The following PDZD2 variants were observed in gnomAD, a reference collection of about 807,000 sequenced individuals.
PDZD2 encodes the protein PDZ domain-containing protein 2.
PDZD2 carries 90 observed loss-of-function variants against 220.7 expected under a neutral mutation model. The observed-to-expected ratio is 0.41, with a 90% CI of 0.34 to 0.49. The LOEUF (loss-of-function observed/expected upper bound fraction) is 0.49. PDZD2 is among the 20% of genes least tolerant of loss of function. The probability of loss-of-function intolerance (pLI) is 0.28; values close to 1 mark genes in which losing one functional copy is unlikely to be tolerated. For missense variants in PDZD2, 3,174 were observed against 3,608.5 expected (o/e 0.88, Z 3.08); for synonymous variants, 1,375 against 1,450.5 (o/e 0.95, Z 1.18).
chr5:32,051,018 G>A (rs963512184), intron 8 of PDZD2, among the ~76,000 whole-genome samples: 18 of 151,948 alleles, frequency 1.2e-4, no homozygotes, highest in African/African-American at 3.9e-4. Context: ...ACCTACAGGT[G>A]GCAAGTGGCT....
intron 21 of PDZD2, among the ~76,000 whole-genome samples, chr5:32,096,306 T>G (rs1005688245): frequency 6.6e-6 from 1 of 151,956 alleles, no homozygotes; most frequent in Admixed American, 6.6e-5. Context: ...AGTCTAGGTT[T>G]TGGTTTGAGT....
chr5:31,860,683 G>T (rs7700791), intron 2 of PDZD2, among the ~76,000 whole-genome samples: 4 of 152,094 alleles, frequency 2.6e-5, no homozygotes, highest in African/African-American at 9.7e-5. Flanking sequence ...AAAACCAGCC[G>T]CTGAAGAATG....
chr5:32,007,667 TA>T (rs1752937720), intron 5 of PDZD2, among the ~76,000 whole-genome samples: 1 of 152,234 alleles, frequency 6.6e-6, no homozygotes, highest in Non-Finnish European at 1.5e-5. Context: ...TCTTTTCTGT[TA>T]ACCCTCACGC....
In PDZD2 at chr5:32,089,335, C is replaced by A. The variant is rs750879713; in HGVS notation, c.5887C>A (p.Pro1963Thr). Residue 1963 changes from proline (P) to threonine (T), a missense_variant, in exon 20 of 25, where the codon CCT becomes ACT. By Grantham distance (38) the Pro-to-Thr change is conservative. Around this residue, in one of 4 missense-constraint regions of PDZD2, gnomAD observed 1,861 missense variants for 2,001.0 expected, o/e 0.93. Coordinates refer to ENST00000438447, the MANE Select transcript of PDZD2 (RefSeq NM_178140.4). ...SPQCVLESKP[P>T]LATSGPLKPS... ...CCAGTGTGTGCTGGAAAGCAAGCCA[C>A]CTCTTGCCACCTCTGGGCCACTGAA... 13 of 1,614,034 alleles carry A rather than the reference C, an allele frequency of 8.1e-6. No individual in the cohort carries two copies. The South Asian group carries it at 1.4e-4, about 18-fold the overall frequency.
rs184335397 is a variant in PDZD2, at chr5:31,977,515, G to T, written c.477-5640G>T. ...CTGTTCTAAGCCCCCACCCTCACCC[G>T]CCAACCTCTTCCCAGGACTCCCACC... On this transcript the variant is annotated intron_variant, in intron 2 of 24. Transcript: ENST00000438447. 1.9e-3 allele frequency among the ~76,000 whole-genome samples: 292 copies of T among 152,092 alleles called. 1 individual carries two copies. Among genetic ancestry groups the T allele is most frequent in the African/African-American group, 6.8e-3 (281 of 41,506 alleles).
chr5:31,919,324 C>G (rs535067023), intron 2 of PDZD2, among the ~76,000 whole-genome samples: 1 of 151,696 alleles, frequency 6.6e-6, no homozygotes, highest in Non-Finnish European at 1.5e-5. Context: ...TAAGTTTAGC[C>G]CCATAGTTGT....
chr5:31,833,122 G>A (rs1756718906), intron 2 of PDZD2, among the ~76,000 whole-genome samples: 1 of 152,136 alleles, frequency 6.6e-6, no homozygotes, highest in Non-Finnish European at 1.5e-5. Flanking sequence ...TGAGACAAAT[G>A]TCATTAAAAG....
chr5:31,918,465 G>C (rs1265598362), intron 2 of PDZD2, among the ~76,000 whole-genome samples: 2 of 152,188 alleles, frequency 1.3e-5, no homozygotes, highest in Non-Finnish European at 2.9e-5. Flanking sequence ...ATCATTTTGG[G>C]CATTTCAGAA....
At chr5:31,926,984 C>G (rs554722671) in intron 2 of PDZD2, among the ~76,000 whole-genome samples, 12 of 152,168 alleles carry the variant, frequency 7.9e-5, no homozygotes, top group African/African-American at 2.7e-4. Flanking sequence ...AACTAAATAC[C>G]GCATATTATT....
Position 31,912,670 on chromosome 5 carries a change from C to T in PDZD2, c.477-70485C>T, listed in dbSNP as rs549696181. ...CCGATATGGCTAACAGTGGGACTAACGTGAGGGTCCAAAATGAAAAAACAG... is the reference window on the plus strand; with the variant it reads ...CCGATATGGCTAACAGTGGGACTAATGTGAGGGTCCAAAATGAAAAAACAG... On this transcript the variant is annotated intron_variant, in intron 2 of 24. Transcript: ENST00000438447. 3.6e-4 allele frequency among the ~76,000 whole-genome samples: 55 copies of T among 152,302 alleles called. No homozygotes were observed. The South Asian group carries it at 0.01, about 28-fold the overall frequency.
At chr5:31,694,402 C>CAAACAAAAAA (rs143583191) in intron 1 of PDZD2, among the ~76,000 whole-genome samples, 5 of 151,510 alleles carry the variant, frequency 3.3e-5, no homozygotes, top group African/African-American at 1.2e-4. Flanking sequence ...AAAAAACAAA[C>CAAACAAAAAA]AAAAAAACAA....
chr5:31,936,727 C>T (rs1553552), intron 2 of PDZD2, among the ~76,000 whole-genome samples: 45,057 of 152,110 alleles, frequency 0.3, 7,652 homozygotes, highest in African/African-American at 0.46. Flanking sequence ...ACTGTGGCTC[C>T]ATTTTCATAT....
intron 2 of PDZD2, among the ~76,000 whole-genome samples, chr5:31,898,071 G>A (rs1031728701): frequency 6.6e-6 from 1 of 152,118 alleles, no homozygotes; most frequent in Non-Finnish European, 1.5e-5. Flanking sequence ...TCCCCGTCTA[G>A]AGGGTGGACA....
intron 1 of PDZD2, among the ~76,000 whole-genome samples, chr5:31,651,030 A>G (rs948292725): frequency 6.6e-6 from 1 of 152,118 alleles, no homozygotes; most frequent in Non-Finnish European, 1.5e-5. Context: ...AAGTTTGCAG[A>G]CTAGGGAGAA....
intron 1 of PDZD2, among the ~76,000 whole-genome samples, chr5:31,703,957 TTCTCTCTC>T (rs10652328): frequency 6.7e-6 from 1 of 149,376 alleles, no homozygotes; most frequent in Non-Finnish European, 1.5e-5. Flanking sequence ...TTCTCTCTCT[TTCTCTCTC>T]TCTCTCTCTC....
intron 2 of PDZD2, chr5:31,908,765 C>A (rs1436044573): frequency 2.1e-6 from 2 of 933,170 alleles, no homozygotes; most frequent in Non-Finnish European, 3.3e-6. Context: ...CCAGTTCTGG[C>A]CGGGCGTGGT....
chr5:31,654,277 C>G (rs4867359), intron 1 of PDZD2, among the ~76,000 whole-genome samples: 96,278 of 151,946 alleles, frequency 0.63, 32,125 homozygotes, highest in Non-Finnish European at 0.74. Context: ...CATTGAAACA[C>G]TCCTTACCTT....
intron 6 of PDZD2, among the ~76,000 whole-genome samples, chr5:32,011,025 A>C (rs1753272100): frequency 7.4e-6 from 1 of 135,416 alleles, no homozygotes; most frequent in Admixed American, 7.5e-5. Flanking sequence ...AAAAAAAACA[A>C]CAACAACAAC....
intron 1 of PDZD2, among the ~76,000 whole-genome samples, chr5:31,768,762 G>C (rs1408803286): frequency 3.9e-5 from 6 of 152,160 alleles, no homozygotes; most frequent in Non-Finnish European, 2.9e-5. Context: ...CTCATGTCAT[G>C]ATTGCACCAG....
Sources: gnomAD v4.1 joint callset for allele counts (sites outside exome capture counted in the v4.1 genomes callset) on GRCh38, gnomAD v4.1.1 for gene constraint, gnomAD v4.1.1 regional missense constraint, MANE v1.5 for transcripts, NCBI Gene and HGNC (gene_info 2026-07-23, HGNC 2026-07-21) for gene names.